The following PARM1 variants were observed in gnomAD, a reference collection of about 807,000 sequenced individuals.
PARM1 encodes the protein prostate androgen-regulated mucin-like protein 1, also known as WSC4, cell wall integrity and stress response component 4 homolog.
In PARM1, 14 loss-of-function variants were observed where a neutral mutation model predicts 24.6. That is an observed-to-expected ratio of 0.57 (90% CI 0.38 to 0.89). The LOEUF is 0.89. Ranked by LOEUF, PARM1 falls within the 40% of genes least tolerant of loss-of-function variation. The pLI is 0.00. For synonymous variants in PARM1, 179 were observed against 156.6 expected, an observed-to-expected ratio of 1.14 and a Z score of -1.07; for missense variants, 362 against 380.4, an observed-to-expected ratio of 0.95 and a Z score of 0.40.
At chr4:75,040,157 G>A (rs561905632) in intron 3 of PARM1, among the ~76,000 whole-genome samples, 5 of 152,286 alleles carry the variant, frequency 3.3e-5, no homozygotes, top group South Asian at 2.1e-4. Context: ...AGTAACATTC[G>A]TTTACTCCTA....
rs1026808383 is a variant in PARM1, at chr4:74,933,455, C to G, written c.43+85C>G. The G allele has an allele frequency of 5.8e-6, 7 of 1,217,264 alleles. No homozygotes were observed. In the African/African-American group the frequency reaches 6.0e-5, roughly 10 times the overall value. The allele number at this position is 1,217,264 out of a possible 1,614,324, so 75.4% of individuals were successfully genotyped here. On this transcript the variant is annotated intron_variant, in intron 1 of 3. Coordinates refer to ENST00000307428, the MANE Select transcript of PARM1 (RefSeq NM_015393.4). Reference sequence around the variant, plus strand: ...GTGGTCGGGGCTGAAGCTAGGAGATCCGGCAGTGAGTCGCCGCGCGCCTCC... The same window carrying G: ...GTGGTCGGGGCTGAAGCTAGGAGATGCGGCAGTGAGTCGCCGCGCGCCTCC...
rs779744990 is a variant in PARM1 at position 75,048,116 on chromosome 4, G to T, written c.*1869G>T. ...TTGACCCCGGCTCATCCTGTCTCTGGCTGTGGCCCGGCAAAGCACTGAAAA... is the reference window on the plus strand; with the variant it reads ...TTGACCCCGGCTCATCCTGTCTCTGTCTGTGGCCCGGCAAAGCACTGAAAA... On this transcript the variant is annotated 3_prime_UTR_variant, in exon 4 of 4. Transcript: ENST00000307428. 2 of 152,122 alleles carry T rather than the reference G, an allele frequency of 1.3e-5. No homozygotes were observed. Among genetic ancestry groups the T allele is most frequent in the Non-Finnish European group, 2.9e-5 (2 of 68,032 alleles). The allele number at this position is 152,122 out of a possible 1,614,324, so 9.4% of individuals were successfully genotyped here.
At chr4:75,009,741 T>G (rs1722837600) in intron 1 of PARM1, among the ~76,000 whole-genome samples, 1 of 152,170 alleles carries the variant, frequency 6.6e-6, no homozygotes, top group African/African-American at 2.4e-5. Flanking sequence ...TCTTTCTTCC[T>G]TTCTCCCGCA....
chr4:75,034,931 G>C (rs1162124129), intron 3 of PARM1: 2 of 152,438 alleles, frequency 1.3e-5, no homozygotes, highest in Non-Finnish European at 2.9e-5. Context: ...CCTGGACCGT[G>C]CCTGCCTCCC....
chr4:74,991,397 G>A (rs1005403148), intron 1 of PARM1, among the ~76,000 whole-genome samples: 7 of 152,124 alleles, frequency 4.6e-5, no homozygotes, highest in South Asian at 4.1e-4. Context: ...CCAGGCTAGC[G>A]TTGAGGGAAA....
chr4:74,948,846 C>T (rs1246200536), intron 1 of PARM1, among the ~76,000 whole-genome samples: 2 of 152,052 alleles, frequency 1.3e-5, no homozygotes, highest in Non-Finnish European at 2.9e-5. Flanking sequence ...CATAGTGAAA[C>T]CCTGTTTCTA....
intron 2 of PARM1, among the ~76,000 whole-genome samples, chr4:75,025,359 AGCTGCTTTG>A (rs1723164042): frequency 6.6e-6 from 1 of 152,252 alleles, no homozygotes; most frequent in Non-Finnish European, 1.5e-5. Flanking sequence ...GGTGGAAGAC[AGCTGCTTTG>A]CCTTGAGAAA....
chr4:74,998,310 A>G (rs1722613512), intron 1 of PARM1, among the ~76,000 whole-genome samples: 1 of 152,238 alleles, frequency 6.6e-6, no homozygotes, highest in Admixed American at 6.5e-5. Context: ...CAAACTCTGT[A>G]GTTAAAGCAA....
intron 3 of PARM1, among the ~76,000 whole-genome samples, chr4:75,040,797 A>G (rs1333308534): frequency 1.3e-5 from 2 of 152,184 alleles, no homozygotes; most frequent in Non-Finnish European, 2.9e-5. Context: ...ATGACTCAGT[A>G]GCTACCACAA....
rs115095061 is a variant in PARM1 at position 74,938,698 on chromosome 4, T to G, written c.43+5328T>G. ...GTTACAGCTTAAATTATTTAAATGA[T>G]AGGGTTGATGTAACATTGTATTTTC... is the stretch of plus-strand genomic sequence containing the variant. On this transcript the variant is annotated intron_variant, in intron 1 of 3. Transcript: ENST00000307428. Among the ~76,000 whole-genome samples, 1,030 of 152,334 alleles carry G rather than the reference T, an allele frequency of 6.8e-3. 18 individuals carry two copies. Among genetic ancestry groups the G allele is most frequent in the African/African-American group, 0.023 (968 of 41,590 alleles).
At chr4:74,983,823 T>C (rs1722303614) in intron 1 of PARM1, among the ~76,000 whole-genome samples, 1 of 152,216 alleles carries the variant, frequency 6.6e-6, no homozygotes, top group Non-Finnish European at 1.5e-5. Flanking sequence ...TCTTGTTGTC[T>C]TTATTCTTTG....
At chr4:74,978,320 G>A (rs1048206675) in intron 1 of PARM1, among the ~76,000 whole-genome samples, 1 of 152,142 alleles carries the variant, frequency 6.6e-6, no homozygotes, top group Non-Finnish European at 1.5e-5. Context: ...TACAAGTGTA[G>A]TTTCAGACAA....
At chr4:74,985,530 A>G (rs1422559517) in intron 1 of PARM1, among the ~76,000 whole-genome samples, 3 of 152,170 alleles carry the variant, frequency 2.0e-5, no homozygotes, top group Admixed American at 6.6e-5. Context: ...GTTCGGTGAA[A>G]GGGAAGTAAC....
At chr4:74,952,867 T>C (rs1721553151) in intron 1 of PARM1, among the ~76,000 whole-genome samples, 1 of 152,248 alleles carries the variant, frequency 6.6e-6, no homozygotes, top group South Asian at 2.1e-4. Context: ...GTGATATATA[T>C]GTTTTCCTCT....
chr4:74,951,175 G>C (rs1721514665), intron 1 of PARM1, among the ~76,000 whole-genome samples: 1 of 152,218 alleles, frequency 6.6e-6, no homozygotes, highest in South Asian at 2.1e-4. Context: ...CTTGGACAAG[G>C]ATAGTAGCAG....
chr4:75,040,184 G>C (rs147411025), intron 3 of PARM1, among the ~76,000 whole-genome samples: 1 of 152,224 alleles, frequency 6.6e-6, no homozygotes, highest in Non-Finnish European at 1.5e-5. Flanking sequence ...AAGAACCAGG[G>C]TTTGGGGAAG....
At chr4:74,946,443 C>A (rs911222977) in intron 1 of PARM1, among the ~76,000 whole-genome samples, 3 of 152,160 alleles carry the variant, frequency 2.0e-5, no homozygotes, top group African/African-American at 7.2e-5. Flanking sequence ...AGTCTTGGGA[C>A]TTATTTAGGC....
At chr4:75,014,998 G>A (rs1462659921) in intron 2 of PARM1, among the ~76,000 whole-genome samples, 3 of 152,154 alleles carry the variant, frequency 2.0e-5, no homozygotes, top group Non-Finnish European at 4.4e-5. Context: ...TCAAAATACA[G>A]TGACCACATT....
At chr4:75,011,049 G>T (rs971508059) in intron 1 of PARM1, among the ~76,000 whole-genome samples, 53 of 151,920 alleles carry the variant, frequency 3.5e-4, no homozygotes, top group African/African-American at 1.3e-3. Context: ...GAGTGTAGGT[G>T]GGAGGTGCCA....
Sources: allele counts gnomAD v4.1 joint callset (sites outside exome capture counted in the v4.1 genomes callset), GRCh38; gene constraint gnomAD v4.1.1; transcripts MANE v1.5; gene names NCBI Gene and HGNC (gene_info 2026-07-23, HGNC 2026-07-21).